PHF24: variants seen among roughly 807,000 people sequenced by gnomAD.
The protein encoded by PHF24 is PHD finger protein 24.
In PHF24, 25 loss-of-function variants were observed where a neutral mutation model predicts 42.6. That is an observed-to-expected ratio of 0.59 (90% confidence interval 0.43 to 0.82). The LOEUF (loss-of-function observed/expected upper bound fraction) is 0.82, where lower values mean the gene tolerates loss of function less well. Ranked by LOEUF, PHF24 falls within the 40% of genes least tolerant of loss-of-function variation. The pLI is 0.00. For missense variants in PHF24, 470 were observed against 538.1 expected (o/e 0.87, Z 1.25); for synonymous variants, 185 against 204.8 (o/e 0.90, Z 0.83).
At chr9:34,915,554 AG>A in the PHF24 span, among the ~76,000 whole-genome samples, 27,933 of 152,060 alleles carry the variant, frequency 0.18, 2,645 homozygotes, top group South Asian at 0.25. Flanking sequence ...GGAAATTTTA[AG>A]GGTTCACAAA....
chr9:34,896,036 A>G, the PHF24 span, among the ~76,000 whole-genome samples: 1 of 151,972 alleles, frequency 6.6e-6, no homozygotes, highest in African/African-American at 2.4e-5. Flanking sequence ...TACTCTCTAT[A>G]CTGTTATGGC....
At chr9:34,899,783 T>C in the PHF24 span, among the ~76,000 whole-genome samples, 4 of 152,172 alleles carry the variant, frequency 2.6e-5, no homozygotes, top group African/African-American at 9.7e-5. Flanking sequence ...CCTAGTCCTG[T>C]GACATCTCTA....
At chr9:34,859,139 A>T in the PHF24 span, among the ~76,000 whole-genome samples, 1 of 152,152 alleles carries the variant, frequency 6.6e-6, no homozygotes, top group South Asian at 2.1e-4. Context: ...AAAGTCTCAT[A>T]CAGCTACTGC....
chr9:34,684,620 C>A, the PHF24 span, among the ~76,000 whole-genome samples: 3 of 152,194 alleles, frequency 2.0e-5, no homozygotes, highest in Admixed American at 2.0e-4. Flanking sequence ...ATGGGGGTTC[C>A]TCAACTGATG....
At chr9:34,874,305 C>T in the PHF24 span, among the ~76,000 whole-genome samples, 2 of 152,162 alleles carry the variant, frequency 1.3e-5, no homozygotes, top group African/African-American at 4.8e-5. Context: ...CAGTTTTTGC[C>T]CATTCAGTAT....
At chr9:34,773,082 G>A in the PHF24 span, among the ~76,000 whole-genome samples, 5 of 150,638 alleles carry the variant, frequency 3.3e-5, no homozygotes, top group Admixed American at 6.7e-5. Context: ...CCTCCGCCTC[G>A]CGGGTTCAAG....
At chr9:34,740,890 C>CT in the PHF24 span, among the ~76,000 whole-genome samples, 105 of 146,462 alleles carry the variant, frequency 7.2e-4, no homozygotes, top group Admixed American at 8.2e-4. Context: ...CTCTCTCTCT[C>CT]TTTTTTTTTT....
At chr9:34,971,788 CA>C in intron 2 of PHF24, 112 bp downstream of exon 2, 16 of 1,241,060 alleles carry the variant, frequency 1.3e-5, no homozygotes, top group East Asian at 2.4e-5. Flanking sequence ...GAGCTGAGTC[CA>C]AAAAAATCTT....
At chr9:34,698,369 C>T in the PHF24 span, among the ~76,000 whole-genome samples, 4 of 152,134 alleles carry the variant, frequency 2.6e-5, no homozygotes, top group Non-Finnish European at 5.9e-5. Context: ...CATAACGTTC[C>T]AGAGCATTTT....
At chr9:34,757,096 C>A in the PHF24 span, among the ~76,000 whole-genome samples, 2 of 151,798 alleles carry the variant, frequency 1.3e-5, no homozygotes, top group African/African-American at 4.8e-5. Context: ...GCAGAGACAG[C>A]GTTTCACCAT....
chr9:34,734,600 A>G, the PHF24 span, among the ~76,000 whole-genome samples: 12 of 152,346 alleles, frequency 7.9e-5, no homozygotes, highest in East Asian at 2.3e-3. Flanking sequence ...GTATAGGTGA[A>G]GACCCATTGC....
the PHF24 span, among the ~76,000 whole-genome samples, chr9:34,876,700 A>G: frequency 2.6e-5 from 4 of 152,232 alleles, no homozygotes; most frequent in Admixed American, 6.5e-5. Context: ...GTTCTGTAGG[A>G]TGAAAAGAAA....
the PHF24 span, among the ~76,000 whole-genome samples, chr9:34,864,963 T>C: frequency 2.0e-5 from 3 of 151,094 alleles, no homozygotes; most frequent in African/African-American, 7.3e-5. Context: ...GATCACGAGG[T>C]CAAGAGATTG....
the PHF24 span, among the ~76,000 whole-genome samples, chr9:34,741,950 G>A: frequency 1.3e-5 from 2 of 152,178 alleles, no homozygotes; most frequent in African/African-American, 4.8e-5. Context: ...GATTCTCAGT[G>A]TGTTCCATAT....
the PHF24 span, among the ~76,000 whole-genome samples, chr9:34,674,519 G>A: frequency 6.6e-6 from 1 of 152,264 alleles, no homozygotes; most frequent in Admixed American, 6.5e-5. Context: ...CAGCACAAAA[G>A]CAGTCATAGA....
the PHF24 span, among the ~76,000 whole-genome samples, chr9:34,715,257 G>C: frequency 4.6e-5 from 7 of 152,144 alleles, no homozygotes; most frequent in Admixed American, 2.0e-4. Flanking sequence ...GGTGGCAGGG[G>C]TGGTGAGAGG....
chr9:34,927,590 G>C, the PHF24 span, among the ~76,000 whole-genome samples: 1 of 152,256 alleles, frequency 6.6e-6, no homozygotes, highest in South Asian at 2.1e-4. Flanking sequence ...CAGTGCCAGT[G>C]GGGGCTGGTG....
chr9:34,878,198 A>T, the PHF24 span, among the ~76,000 whole-genome samples: 1 of 152,278 alleles, frequency 6.6e-6, no homozygotes, highest in East Asian at 1.9e-4. Context: ...ACTCCACTCA[A>T]TTTTTCTGCA....
the PHF24 span, among the ~76,000 whole-genome samples, chr9:34,771,735 A>T: frequency 2.0e-5 from 3 of 152,224 alleles, no homozygotes; most frequent in South Asian, 6.2e-4. Context: ...AAAGATTTTG[A>T]TTGTACATTC....
Sources: gnomAD v4.1 joint callset for allele counts (sites outside exome capture counted in the v4.1 genomes callset) on GRCh38, gnomAD v4.1.1 for gene constraint, MANE v1.5 for transcripts, NCBI Gene and HGNC (gene_info 2026-07-23, HGNC 2026-07-21) for gene names.